VPS33B: variants seen among roughly 807,000 people sequenced by gnomAD.
The protein encoded by VPS33B is VPS33B late endosome and lysosome associated, also known as vacuolar protein sorting-associated protein 33B.
Under a neutral mutation model 95.3 loss-of-function variants are expected in VPS33B, and 80 were observed. The ratio of observed to expected loss-of-function variants is 0.84; its 90% CI spans 0.70 to 1.01. The LOEUF (loss-of-function observed/expected upper bound fraction) is 1.01, where lower values mean the gene tolerates loss of function less well. Among genes scored for constraint, VPS33B ranks in the 50% least tolerant of loss-of-function variants. The pLI is 0.00. For synonymous variants in VPS33B, 280 were observed against 280.4 expected, an observed-to-expected ratio of 1.00 and a Z score of 0.01; for missense variants, 715 against 773.4, an observed-to-expected ratio of 0.92 and a Z score of 0.90.
Position 91,013,750 on chromosome 15 carries a change from C to T in VPS33B, c.357+54G>A. On this transcript the variant is annotated intron_variant, in intron 5 of 22. Transcript: ENST00000333371. This position sits in a 1 kb window ranked among gnomAD's most constrained non-coding sequence, Gnocchi z 4.5. ...AGTGCTGTTGGCCCCTTACCCCTGCCCGGTCCTCAGTCCTGTTCTACCTTA... is the reference window on the plus strand; with the variant it reads ...AGTGCTGTTGGCCCCTTACCCCTGCTCGGTCCTCAGTCCTGTTCTACCTTA... 1.9e-6 allele frequency: 3 copies of T among 1,604,148 alleles called. No individual in the cohort carries two copies. Among genetic ancestry groups the T allele is most frequent in the Non-Finnish European group, 2.6e-6 (3 of 1,171,302 alleles).
Position 91,009,779 on chromosome 15 carries a change from A to G in VPS33B, c.403+22T>C. 2 of 1,613,782 alleles carry G rather than the reference A, an allele frequency of 1.2e-6. No individual in the cohort carries two copies. Among genetic ancestry groups the G allele is most frequent in the Non-Finnish European group, 1.7e-6 (2 of 1,179,844 alleles). On this transcript the variant is annotated intron_variant, in intron 6 of 22. Coordinates refer to ENST00000333371, the MANE Select transcript of VPS33B (RefSeq NM_018668.5). This position sits in a 1 kb window ranked among gnomAD's most constrained non-coding sequence, Gnocchi z 4.1. The stretch of plus-strand genomic sequence containing the variant: ...TTCTGTATGTTCTCTTTCCCTTTCC[A>G]CTCACATTCATCTCCTCTCACCTCC...
At chr15:91,014,971 C>T (rs1037691872) in intron 3 of VPS33B, among the ~76,000 whole-genome samples, 6 of 151,696 alleles carry the variant, frequency 4.0e-5, no homozygotes, top group Middle Eastern at 6.8e-3. Context: ...GAGGCAGAGG[C>T]GCGTGGATCA....
intron 3 of VPS33B, 148 bp from the exon 4 acceptor site, chr15:91,014,581 T>C (rs912867788): frequency 7.1e-6 from 6 of 849,108 alleles, no homozygotes; most frequent in Non-Finnish European, 1.2e-5. Flanking sequence ...TGGTCCACCA[T>C]ATACCAACCA....
rs903426726 is a variant in VPS33B, at chr15:91,009,516, A to G, written c.403+285T>C. Among the ~76,000 whole-genome samples the G allele has an allele frequency of 1.3e-5, 2 of 152,132 alleles. No individual in the cohort carries two copies. The highest frequency in any genetic ancestry group is 4.8e-5 in the African/African-American group (2 of 41,422). On this transcript the variant is annotated intron_variant, in intron 6 of 22. Coordinates refer to ENST00000333371, the MANE Select transcript of VPS33B (RefSeq NM_018668.5). The surrounding 1 kb of genome is among the most constrained non-coding windows in gnomAD (Gnocchi z 4.1). ...GAGATGGGGTTTCACCATGTTGCCC[A>G]GGCTGGACTCAAACTCCTGACCTCA... is the stretch of plus-strand genomic sequence containing the variant.
At position 91,010,243 on chromosome 15, in the gene VPS33B, C is replaced by T. The variant is rs1189130212; in HGVS notation, c.358-397G>A. On this transcript the variant is annotated intron_variant, in intron 5 of 22. Coordinates refer to ENST00000333371, the MANE Select transcript of VPS33B (RefSeq NM_018668.5). This position sits in a 1 kb window ranked among gnomAD's most constrained non-coding sequence, Gnocchi z 5.7. ...GAGAGTGAGTTCTGTTTAGGACATG[C>T]CCACGGGACCTTGGGAGACACAGAC... Among the ~76,000 whole-genome samples, 1 of 152,132 alleles carries T rather than the reference C, an allele frequency of 6.6e-6. No homozygotes were observed. Among genetic ancestry groups the T allele is most frequent in the East Asian group, 1.9e-4 (1 of 5,196 alleles).
chr15:91,008,205 G>A (rs2040672288), intron 6 of VPS33B, among the ~76,000 whole-genome samples: 1 of 152,214 alleles, frequency 6.6e-6, no homozygotes, highest in African/African-American at 2.4e-5. Flanking sequence ...AATGTGATAA[G>A]TGGTGGGTTT....
At position 91,006,632 on chromosome 15, in the gene VPS33B, C is replaced by A; in HGVS notation, c.778+20G>T. ...ATGACCCGTCCATCTTGCCAAGATG[C>A]AGAGGACCATAGCACTTACCACACT... is the stretch of plus-strand genomic sequence containing the variant. On this transcript the variant is annotated intron_variant, in intron 10 of 22. Transcript: ENST00000333371. This position sits in a 1 kb window ranked among gnomAD's most constrained non-coding sequence, Gnocchi z 5.4. The A allele has an allele frequency of 6.2e-7, 1 of 1,614,180 alleles. No individual in the cohort carries two copies. Among genetic ancestry groups the A allele is most frequent in the Non-Finnish European group, 8.5e-7 (1 of 1,179,988 alleles).
chr15:90,999,587 G>A lies in VPS33B; in HGVS notation c.1774+90C>T. On this transcript the variant is annotated intron_variant, in intron 22 of 22. Coordinates refer to ENST00000333371, the MANE Select transcript of VPS33B (RefSeq NM_018668.5). The surrounding 1 kb of genome is among the most constrained non-coding windows in gnomAD (Gnocchi z 5.1). ...GCCCGCCTCCGCCTCCCAAAGTGCT[G>A]AGATTACAGGTATGAACCACCGTGC... The A allele has an allele frequency of 5.8e-6, 8 of 1,385,788 alleles. No individual in the cohort carries two copies. Among genetic ancestry groups the A allele is most frequent in the South Asian group, 1.2e-5 (1 of 85,868 alleles). The allele number at this position is 1,385,788 out of a possible 1,614,324, so 85.8% of individuals were successfully genotyped here. A position where few individuals can be genotyped will look rare whatever the true frequency, so the allele number is the denominator to read the frequency against.
intron 18 of VPS33B, among the ~76,000 whole-genome samples, chr15:91,001,764 A>G (rs1376687526): frequency 6.6e-6 from 1 of 152,204 alleles, no homozygotes; most frequent in African/African-American, 2.4e-5. Context: ...CCTTGGACAA[A>G]TCACTTAATT....
In VPS33B at chr15:91,000,726, G is replaced by A; in HGVS notation, c.1480-135C>T. 1 of 772,872 alleles carries A rather than the reference G, an allele frequency of 1.3e-6. No individual in the cohort carries two copies. Among genetic ancestry groups the A allele is most frequent in the East Asian group, 3.0e-5 (1 of 33,676 alleles). 47.9% of individuals were successfully genotyped at this position (772,872 alleles called of 1,614,324 possible). A position where few individuals can be genotyped will look rare whatever the true frequency, so the allele number is the denominator to read the frequency against. On this transcript the variant is annotated intron_variant, in intron 19 of 22. Coordinates refer to ENST00000333371, the MANE Select transcript of VPS33B (RefSeq NM_018668.5). The surrounding 1 kb of genome is among the most constrained non-coding windows in gnomAD (Gnocchi z 4.9). ...GGAGAACCAGCAATAGCCCTGAAAA[G>A]AGAATCCATAACGGAAGATGGCAGT...
In VPS33B at chr15:91,006,201, G is replaced by A. The variant is rs2040597771; in HGVS notation, c.853-142C>T. ...TGGGATCTGTAAGTCCATATCAAAT[G>A]CCTACACCGTGTTCTAGGAGATGCT... On this transcript the variant is annotated intron_variant, in intron 11 of 22. Coordinates refer to ENST00000333371, the MANE Select transcript of VPS33B (RefSeq NM_018668.5). The surrounding 1 kb of genome is among the most constrained non-coding windows in gnomAD (Gnocchi z 5.4). The A allele has an allele frequency of 2.3e-6, 3 of 1,317,028 alleles. No homozygotes were observed. The East Asian group carries it at 7.0e-5, about 31-fold the overall frequency. 81.6% of individuals were successfully genotyped at this position (1,317,028 alleles called of 1,614,324 possible). A position where few individuals can be genotyped will look rare whatever the true frequency, so the allele number is the denominator to read the frequency against.
In VPS33B at chr15:91,000,351, C is replaced by A. The variant is rs187930169; in HGVS notation, c.1581+139G>T. The A allele has an allele frequency of 4.8e-5, 36 of 748,740 alleles. No individual in the cohort carries two copies. The East Asian group carries it at 1.2e-3, about 25-fold the overall frequency. The allele number at this position is 748,740 out of a possible 1,614,324, so 46.4% of individuals were successfully genotyped here. A position where few individuals can be genotyped will look rare whatever the true frequency, so the allele number is the denominator to read the frequency against. ...GGTGGAGGTTGCAGTGAGCCAAGAT[C>A]GTGCCACCGCACTCCAGCCTGGGTG... On this transcript the variant is annotated intron_variant, in intron 20 of 22. Coordinates refer to ENST00000333371, the MANE Select transcript of VPS33B (RefSeq NM_018668.5). This position sits in a 1 kb window ranked among gnomAD's most constrained non-coding sequence, Gnocchi z 4.9.
chr15:91,018,095 G>C lies in VPS33B; in HGVS notation c.97-210C>G, dbSNP rs1352665644. On this transcript the variant is annotated intron_variant, in intron 1 of 22. Coordinates refer to ENST00000333371, the MANE Select transcript of VPS33B (RefSeq NM_018668.5). This position sits in a 1 kb window ranked among gnomAD's most constrained non-coding sequence, Gnocchi z 4.7. ...TTGCCTTCTCGTTTTCTGTACCAGT[G>C]GGAAGAAGACATCCCACCTTCTTTC... 6 of 574,390 alleles carry C rather than the reference G, an allele frequency of 1.0e-5. No individual in the cohort carries two copies. In the African/African-American group the frequency reaches 1.1e-4, roughly 11 times the overall value. 35.6% of individuals were successfully genotyped at this position (574,390 alleles called of 1,614,324 possible).
In VPS33B at chr15:91,005,025, C is replaced by T. The variant is rs1328604363; in HGVS notation, c.1170+30G>A. 6.2e-7 allele frequency: 1 copy of T among 1,614,238 alleles called. No homozygotes were observed. Among genetic ancestry groups the T allele is most frequent in the East Asian group, 2.2e-5 (1 of 44,884 alleles). On this transcript the variant is annotated intron_variant, in intron 15 of 22. Transcript: ENST00000333371. This position sits in a 1 kb window ranked among gnomAD's most constrained non-coding sequence, Gnocchi z 6.4. ...GCCGACCCCACCTCTAAATGCCATTCTTGGCACCCCCAGCCCTCCACCTGC... is the reference window on the plus strand; with the variant it reads ...GCCGACCCCACCTCTAAATGCCATTTTTGGCACCCCCAGCCCTCCACCTGC...
rs2040722326 is a variant in VPS33B at position 91,009,598 on chromosome 15, G to GC, written c.403+202dup. On this transcript the variant is annotated intron_variant, in intron 6 of 22. Transcript: ENST00000333371. This position sits in a 1 kb window ranked among gnomAD's most constrained non-coding sequence, Gnocchi z 4.1. ...TGGGATTACAGGCATGAGCCACTGC[G>GC]CCCAGCCCCCAGTAGTGTTCTAATT... Among the ~76,000 whole-genome samples the GC allele has an allele frequency of 2.0e-5, 3 of 151,010 alleles. No homozygotes were observed. The South Asian group carries it at 6.3e-4, about 32-fold the overall frequency.
chr15:90,999,539 T>C lies in VPS33B; in HGVS notation c.1774+138A>G. On this transcript the variant is annotated intron_variant, in intron 22 of 22. Transcript: ENST00000333371. This position sits in a 1 kb window ranked among gnomAD's most constrained non-coding sequence, Gnocchi z 5.1. ...TCACCATGTTGGTCAGGCTAGGCTC[T>C]AACTCCTGACCTCAGGTGATCTGCC... 1 of 900,836 alleles carries C rather than the reference T, an allele frequency of 1.1e-6. No homozygotes were observed. The highest frequency in any genetic ancestry group is 1.3e-5 in the South Asian group (1 of 76,252). The allele number at this position is 900,836 out of a possible 1,614,324, so 55.8% of individuals were successfully genotyped here. A position where few individuals can be genotyped will look rare whatever the true frequency, so the allele number is the denominator to read the frequency against.
chr15:91,021,413 A>T (rs1596375007), intron 1 of VPS33B, among the ~76,000 whole-genome samples: 1 of 152,230 alleles, frequency 6.6e-6, no homozygotes, highest in East Asian at 1.9e-4. Context: ...TAACTTAAAA[A>T]TCCATCACTT....
Position 91,006,827 on chromosome 15 carries a change from C to G in VPS33B, c.701-98G>C. 1 of 1,582,212 alleles carries G rather than the reference C, an allele frequency of 6.3e-7. No homozygotes were observed. The highest frequency in any genetic ancestry group is 1.7e-5 in the Admixed American group (1 of 59,728). On this transcript the variant is annotated intron_variant, in intron 9 of 22. Transcript: ENST00000333371. The surrounding 1 kb of genome is among the most constrained non-coding windows in gnomAD (Gnocchi z 5.4). ...TTGATACTTTCCATAGGGCCAAGGACCCACGCTCCTCAAAGCTGGGATTCA... is the reference window on the plus strand; with the variant it reads ...TTGATACTTTCCATAGGGCCAAGGAGCCACGCTCCTCAAAGCTGGGATTCA...
Position 91,005,815 on chromosome 15 carries a change from C to A in VPS33B, c.940-31G>T. On this transcript the variant is annotated intron_variant, in intron 12 of 22. Transcript: ENST00000333371. This position sits in a 1 kb window ranked among gnomAD's most constrained non-coding sequence, Gnocchi z 6.4. ...GGAAAATTCCCAAAGGTGAACCCCC[C>A]AACCTCAGACACGAGAAACCACCAC... 1 of 1,613,780 alleles carries A rather than the reference C, an allele frequency of 6.2e-7. No homozygotes were observed.
Sources: allele counts gnomAD v4.1 joint callset (sites outside exome capture counted in the v4.1 genomes callset), GRCh38; gene constraint gnomAD v4.1.1; non-coding constraint Gnocchi (gnomAD v3.1); transcripts MANE v1.5; gene names NCBI Gene and HGNC (gene_info 2026-07-23, HGNC 2026-07-21).